Variants in POU1F1 observed in about 807,000 individuals in gnomAD.
POU1F1 encodes POU class 1 homeobox 1, also known as pituitary-specific positive transcription factor 1.
POU1F1 carries 23 observed loss-of-function variants against 32.3 expected under a neutral mutation model. That is an observed-to-expected ratio of 0.71 (90% CI 0.51 to 1.01). The LOEUF (loss-of-function observed/expected upper bound fraction) is 1.01, where lower values mean the gene tolerates loss of function less well. POU1F1 is among the 50% of genes least tolerant of loss of function. POU1F1 has a pLI of 0.00. For synonymous variants in POU1F1, 120 were observed against 115.6 expected, an observed-to-expected ratio of 1.04 and a Z score of -0.25; for missense variants, 323 against 341.6, an observed-to-expected ratio of 0.95 and a Z score of 0.43.
intron 1 of POU1F1, among the ~76,000 whole-genome samples, chr3:87,274,002 C>T (rs1388130598): frequency 5.9e-5 from 9 of 152,230 alleles, no homozygotes; most frequent in South Asian, 4.1e-4. Flanking sequence ...ATAAAAATCT[C>T]ACTGCATTCA....
chr3:87,268,682 C>T (rs973684682), intron 2 of POU1F1, among the ~76,000 whole-genome samples: 6 of 152,112 alleles, frequency 3.9e-5, no homozygotes, highest in African/African-American at 1.4e-4. Context: ...ACAGAGGTCT[C>T]ATCAACATTT....
intron 3 of POU1F1, among the ~76,000 whole-genome samples, chr3:87,262,757 T>C (rs1213971782): frequency 6.6e-6 from 1 of 152,162 alleles, no homozygotes; most frequent in African/African-American, 2.4e-5. Context: ...TAAGAGGCTA[T>C]GATTACACAT....
intron 1 of POU1F1, among the ~76,000 whole-genome samples, chr3:87,275,529 C>A (rs1028640724): frequency 1.3e-5 from 2 of 152,122 alleles, no homozygotes; most frequent in East Asian, 3.9e-4. Context: ...AAGAAATTTA[C>A]CCAATTCAAG....
In POU1F1 at chr3:87,264,397, T is replaced by C; in HGVS notation, c.330A>G (p.Glu110=). The change falls in exon 3 of 6, where the codon GAA becomes GAG. Residue 110 remains glutamate (E), a synonymous_variant. Coordinates refer to ENST00000350375, the MANE Select transcript of POU1F1 (RefSeq NM_000306.4). ...EDPTAADFKQ[E]LRRKSKLVEE... is the part of the protein sequence containing the mutation. ...CCACCAATTTACTTTTCCGCCTGAG[T>C]TCCTGCTTGAAATCAGCAGCTGTGG... The C allele has an allele frequency of 6.2e-7, 1 of 1,613,850 alleles. No homozygotes were observed. Among genetic ancestry groups the C allele is most frequent in the South Asian group, 1.1e-5 (1 of 91,078 alleles).
At chr3:87,272,500 T>C (rs1234591791) in intron 2 of POU1F1, among the ~76,000 whole-genome samples, 1 of 152,148 alleles carries the variant, frequency 6.6e-6, no homozygotes, top group East Asian at 1.9e-4. Flanking sequence ...GTGTACTTTT[T>C]AAAAACAATT....
In POU1F1 at chr3:87,273,366, T is replaced by G; in HGVS notation, c.195A>C (p.Ser65=). ...VPSCHYGNQP[S]TYGVMAGSLT... ...TCTTACCTGCCATCACTCCATAGGT[T>G]GATGGCTGGTTTCCATAATGACAGG... The change falls in exon 2 of 6, where the codon TCA becomes TCC. Residue 65 remains serine (S), a synonymous_variant. Transcript: ENST00000350375. The G allele has an allele frequency of 1.2e-6, 2 of 1,613,034 alleles. No individual in the cohort carries two copies. The highest frequency in any genetic ancestry group is 1.7e-6 in the Non-Finnish European group (2 of 1,179,390).
chr3:87,261,371 G>A, intron 4 of POU1F1, 38 bp from the exon 5 acceptor site: 1 of 1,457,354 alleles, frequency 6.9e-7, no homozygotes, highest in Non-Finnish European at 9.5e-7. Flanking sequence ...CAAACACAAA[G>A]TAGACTTTTT....
At chr3:87,273,035 T>C (rs748327850) in intron 2 of POU1F1, among the ~76,000 whole-genome samples, 4 of 152,106 alleles carry the variant, frequency 2.6e-5, no homozygotes, top group Admixed American at 1.3e-4. Context: ...ATATTTTTAG[T>C]GAAGGTAAGC....
chr3:87,272,623 A>G (rs1361375112), intron 2 of POU1F1, among the ~76,000 whole-genome samples: 3 of 152,208 alleles, frequency 2.0e-5, no homozygotes, highest in African/African-American at 4.8e-5. Context: ...TTATAGAAGG[A>G]TCAATAAGCA....
chr3:87,274,560 T>C (rs1706792797), intron 1 of POU1F1, among the ~76,000 whole-genome samples: 1 of 151,588 alleles, frequency 6.6e-6, no homozygotes, highest in Admixed American at 6.6e-5. Flanking sequence ...AAAATCTGTA[T>C]ACATTTTTAT....
intron 2 of POU1F1, among the ~76,000 whole-genome samples, chr3:87,267,848 C>G (rs920741779): frequency 2.0e-5 from 3 of 152,046 alleles, no homozygotes; most frequent in African/African-American, 7.2e-5. Context: ...TTCAAGCAAT[C>G]CTCCAGCCAC....
chr3:87,268,084 C>CCTTTTTTTTTTTTTTTTTTTTTT (rs747971339), intron 2 of POU1F1, among the ~76,000 whole-genome samples: 1 of 116,468 alleles, frequency 8.6e-6, no homozygotes. Context: ...TTCCCTTTCC[C>CCTTTTTTTTTTTTTTTTTTTTTT]TTTTTTTTTT....
intron 1 of POU1F1, 56 bp from the exon 2 acceptor site, chr3:87,273,474 G>A: frequency 6.2e-7 from 1 of 1,607,822 alleles, no homozygotes; most frequent in African/African-American, 1.3e-5. Context: ...TAGGAGTTTG[G>A]ATCAAAGACA....
At chr3:87,271,568 G>T (rs1332379527) in intron 2 of POU1F1, among the ~76,000 whole-genome samples, 1 of 152,056 alleles carries the variant, frequency 6.6e-6, no homozygotes, top group Non-Finnish European at 1.5e-5. Flanking sequence ...TTTCCTCCAG[G>T]AAACAGTGGC....
At position 87,259,754 on chromosome 3, in the gene POU1F1, T is replaced by TA. The variant is rs368061882; in HGVS notation, c.*139dup. The TA allele has an allele frequency of 0.022, 14,133 of 653,884 alleles. 190 individuals are homozygous for TA. Among genetic ancestry groups the TA allele is most frequent in the African/African-American group, 0.04 (2,170 of 54,678 alleles). 40.5% of individuals were successfully genotyped at this position (653,884 alleles called of 1,614,324 possible). ...ATTTAAATTGTTGGTTTCTTTTTTT[T>TA]AAAAAAAAGTGGAAAAGTAAAGCTT... On this transcript the variant is annotated 3_prime_UTR_variant, in exon 6 of 6. Coordinates refer to ENST00000350375, the MANE Select transcript of POU1F1 (RefSeq NM_000306.4).
chr3:87,274,739 G>A (rs1210660050), intron 1 of POU1F1, among the ~76,000 whole-genome samples: 1 of 151,534 alleles, frequency 6.6e-6, no homozygotes, highest in Non-Finnish European at 1.5e-5. Context: ...ACAATTAGAT[G>A]TATATGATTC....
intron 2 of POU1F1, among the ~76,000 whole-genome samples, chr3:87,265,573 T>C (rs1259122916): frequency 6.6e-6 from 1 of 152,004 alleles, no homozygotes; most frequent in East Asian, 1.9e-4. Flanking sequence ...ATGACATGTC[T>C]AGTGTGCCTT....
Position 87,276,373 on chromosome 3 carries a change from A to G in POU1F1, c.90T>C (p.Ser30=), listed in dbSNP as rs543096490. The G allele has an allele frequency of 6.2e-7, 1 of 1,614,042 alleles. No homozygotes were observed. The highest frequency in any genetic ancestry group is 1.1e-5 in the South Asian group (1 of 91,084). Residue 30 remains serine (S), a synonymous_variant, in exon 1 of 6, where the codon AGT becomes AGC. Coordinates refer to ENST00000350375, the MANE Select transcript of POU1F1 (RefSeq NM_000306.4). Reference sequence around the variant, plus strand: ...TGGAGACTGGTAGACACTCGGCAGCACTGTGATGCATTATCAGAGGCAGAG... The same window carrying G: ...TGGAGACTGGTAGACACTCGGCAGCGCTGTGATGCATTATCAGAGGCAGAG... The part of the protein sequence containing the change: ...SATLPLIMHH[S]AAECLPVSNH...
chr3:87,262,164 AG>A lies in POU1F1; in HGVS notation c.510del (p.Cys171AlafsTer16). ...CTGAGCTGCAGATTTTCAAATCGGC[AG>A]ATTGTTGTTTGACTGAATTCAGAGC... is the stretch of plus-strand genomic sequence containing the variant. ...VHGSEFSQTT[I>X]CRFENLQLSF... On this transcript the variant is annotated frameshift_variant, in exon 4 of 6. Transcript: ENST00000350375. LOFTEE classifies it high-confidence loss of function. 6.2e-7 allele frequency: 1 copy of A among 1,614,160 alleles called. No individual in the cohort carries two copies. Among genetic ancestry groups the A allele is most frequent in the Non-Finnish European group, 8.5e-7 (1 of 1,180,004 alleles).
Sources: gnomAD v4.1 joint callset for allele counts (sites outside exome capture counted in the v4.1 genomes callset) on GRCh38, gnomAD v4.1.1 for gene constraint, MANE v1.5 for transcripts, NCBI Gene and HGNC (gene_info 2026-07-23, HGNC 2026-07-21) for gene names.